AFG1L: variants seen among roughly 807,000 people sequenced by gnomAD.
AFG1L encodes AFG1 like ATPase.
In AFG1L, 53 loss-of-function variants were observed where a neutral mutation model predicts 62.2. The ratio of observed to expected loss-of-function variants is 0.85; its 90% CI spans 0.68 to 1.07. The LOEUF is 1.07. Among genes scored for constraint, AFG1L ranks in the 50% least tolerant of loss-of-function variants. AFG1L has a pLI of 0.00. For synonymous variants in AFG1L, 228 were observed against 210.3 expected (o/e 1.08, Z -0.73); for missense variants, 555 against 590.5 (o/e 0.94, Z 0.62).
intron 2 of AFG1L, among the ~76,000 whole-genome samples, chr6:108,324,426 A>G (rs1309789931): frequency 6.6e-6 from 1 of 152,228 alleles, no homozygotes; most frequent in Non-Finnish European, 1.5e-5. Context: ...CTCTAGGGTC[A>G]GAATGAGAAG....
Position 108,477,290 on chromosome 6 carries a change from AGAGT to A in AFG1L, c.1061_1062+2del, listed in dbSNP as rs772610580. 1 of 1,594,668 alleles carries A rather than the reference AGAGT, an allele frequency of 6.3e-7. No individual in the cohort carries two copies. Among genetic ancestry groups the A allele is most frequent in the Non-Finnish European group, 8.6e-7 (1 of 1,166,502 alleles). On this transcript the variant is annotated splice_donor_variant and coding_sequence_variant, in exon 10 of 13. Coordinates refer to ENST00000368977, the MANE Select transcript of AFG1L (RefSeq NM_145315.5). LOFTEE classifies it high-confidence loss of function. ...CTGCACATTTGAAGAGCTGTGTGAGAGAGTAAGTATCCAGGCACGTCCAGACTCA... is the reference window on the plus strand; with the variant it reads ...CTGCACATTTGAAGAGCTGTGTGAGAAAGTATCCAGGCACGTCCAGACTCA...
At chr6:108,412,075 C>A (rs924816328) in intron 7 of AFG1L, among the ~76,000 whole-genome samples, 1 of 152,090 alleles carries the variant, frequency 6.6e-6, no homozygotes, top group Non-Finnish European at 1.5e-5. Context: ...CTTAAATGAC[C>A]TGATGGAGCT....
At chr6:108,503,579 T>G (rs903524485) in intron 10 of AFG1L, among the ~76,000 whole-genome samples, 1 of 152,230 alleles carries the variant, frequency 6.6e-6, no homozygotes. Context: ...TGTTCCATTT[T>G]TAGGGCACAG....
Position 108,525,400 on chromosome 6 carries a change from T to C in AFG1L, c.*2975T>C, listed in dbSNP as rs1208089733. 2 of 152,250 alleles carry C rather than the reference T, an allele frequency of 1.3e-5. No individual in the cohort carries two copies. Among genetic ancestry groups the C allele is most frequent in the Admixed American group, 6.5e-5 (1 of 15,282 alleles). 9.4% of individuals were successfully genotyped at this position (152,250 alleles called of 1,614,324 possible). On this transcript the variant is annotated 3_prime_UTR_variant, in exon 13 of 13. Transcript: ENST00000368977. ...TGTAGTATTATTTTAATCAAATTTATGCATTTTCAGTGGGACTTCAAATTT... is the reference window on the plus strand; with the variant it reads ...TGTAGTATTATTTTAATCAAATTTACGCATTTTCAGTGGGACTTCAAATTT...
rs199590443 is a variant in AFG1L, at chr6:108,396,017, TTTTG to T, written c.749-5963_749-5960del. On this transcript the variant is annotated intron_variant, in intron 6 of 12. Transcript: ENST00000368977. ...CCACCACACTTGGCTAGGTGTCTTTTTTTGTTTGTTTGTTTGTTTTTTGTTTTTT... is the reference window on the plus strand; with the variant it reads ...CCACCACACTTGGCTAGGTGTCTTTTTTTGTTTGTTTGTTTTTTGTTTTTT... Among the ~76,000 whole-genome samples the T allele has an allele frequency of 1.1e-3, 165 of 151,996 alleles. 3 individuals carry two copies. The East Asian group carries it at 0.027, about 25-fold the overall frequency.
At chr6:108,370,138 G>GA (rs11399674) in intron 6 of AFG1L, among the ~76,000 whole-genome samples, 150,685 of 152,134 alleles carry the variant, frequency 0.99, 74,633 homozygotes, top group East Asian at 1. Context: ...GGTACAAGTT[G>GA]ATCTGTAGAG....
At chr6:108,357,235 A>C (rs1582429540) in intron 5 of AFG1L, among the ~76,000 whole-genome samples, 2 of 152,112 alleles carry the variant, frequency 1.3e-5, no homozygotes, top group East Asian at 3.9e-4. Flanking sequence ...CATGCACCAT[A>C]CCTAGCAAAT....
At chr6:108,405,497 C>T (rs954593520) in intron 7 of AFG1L, among the ~76,000 whole-genome samples, 6 of 152,086 alleles carry the variant, frequency 3.9e-5, no homozygotes, top group Admixed American at 6.6e-5. Flanking sequence ...TAGGCGTATT[C>T]CACCATGCCC....
chr6:108,318,341 A>G (rs556422766), intron 1 of AFG1L: 12 of 394,330 alleles, frequency 3.0e-5, no homozygotes, highest in Admixed American at 1.2e-4. Flanking sequence ...AATGCTGGCC[A>G]TAAGAGATGC....
chr6:108,397,414 C>G (rs577243008), intron 6 of AFG1L, among the ~76,000 whole-genome samples: 1 of 152,092 alleles, frequency 6.6e-6, no homozygotes, highest in Non-Finnish European at 1.5e-5. Flanking sequence ...TAGGCGTGAG[C>G]CCTGGCTGAT....
intron 7 of AFG1L, among the ~76,000 whole-genome samples, chr6:108,431,126 G>A (rs1002200130): frequency 1.4e-5 from 2 of 147,642 alleles, no homozygotes; most frequent in East Asian, 2.0e-4. Flanking sequence ...TTTTGGAGGC[G>A]AAGTCTTGCT....
At chr6:108,304,430 T>G (rs1777128674) in intron 1 of AFG1L, among the ~76,000 whole-genome samples, 1 of 152,220 alleles carries the variant, frequency 6.6e-6, no homozygotes, top group South Asian at 2.1e-4. Flanking sequence ...GCCTATGACC[T>G]TAGCATGGGC....
At position 108,411,097 on chromosome 6, in the gene AFG1L, C is replaced by T. The variant is rs534844803; in HGVS notation, c.807+9043C>T. The stretch of plus-strand genomic sequence containing the variant: ...GCGCTTTTCCAACGGCCTTAGCAAA[C>T]GGCACACCAGATTATATCCTGTGCC... On this transcript the variant is annotated intron_variant, in intron 7 of 12. Coordinates refer to ENST00000368977, the MANE Select transcript of AFG1L (RefSeq NM_145315.5). Among the ~76,000 whole-genome samples the T allele has an allele frequency of 3.1e-4, 47 of 152,312 alleles. No homozygotes were observed. In the South Asian group the frequency reaches 9.1e-3, roughly 30 times the overall value.
intron 10 of AFG1L, among the ~76,000 whole-genome samples, chr6:108,500,171 C>CGTGTGTGTGTGTGTGT (rs61654685): frequency 2.3e-4 from 31 of 135,140 alleles, no homozygotes; most frequent in East Asian, 1.3e-3. Flanking sequence ...ATGGTGCGTG[C>CGTGTGTGTGTGTGTGT]GTGTGTGTGT....
Position 108,477,353 on chromosome 6 carries a change from T to C in AFG1L, c.1062+61T>C, listed in dbSNP as rs570055860. 1.8e-3 allele frequency: 1,704 copies of C among 953,384 alleles called. 7 individuals carry two copies. The highest frequency in any genetic ancestry group is 4.9e-3 in the Middle Eastern group (22 of 4,472). 59.1% of individuals were successfully genotyped at this position (953,384 alleles called of 1,614,324 possible). A position where few individuals can be genotyped will look rare whatever the true frequency, so the allele number is the denominator to read the frequency against. On this transcript the variant is annotated intron_variant, in intron 10 of 12. Coordinates refer to ENST00000368977, the MANE Select transcript of AFG1L (RefSeq NM_145315.5). ...TTCACATGTTAAAATACTTCGTGTT[T>C]TCCTCTCTGCCCATTTCAGATTTTA...
intron 6 of AFG1L, among the ~76,000 whole-genome samples, chr6:108,378,801 A>T (rs1261996368): frequency 1.3e-5 from 2 of 151,664 alleles, no homozygotes; most frequent in Admixed American, 6.6e-5. Flanking sequence ...AATTATTTTC[A>T]TGCACGTAGG....
chr6:108,406,249 G>A (rs1781846646), intron 7 of AFG1L, among the ~76,000 whole-genome samples: 6 of 151,322 alleles, frequency 4.0e-5, no homozygotes, highest in African/African-American at 1.2e-4. Flanking sequence ...GTTCCCATCA[G>A]CAATACACAA....
chr6:108,316,092 G>T (rs988094219), intron 1 of AFG1L, among the ~76,000 whole-genome samples: 1 of 151,956 alleles, frequency 6.6e-6, no homozygotes, highest in Non-Finnish European at 1.5e-5. Flanking sequence ...TTTAAAAATC[G>T]GAAAGTTGGC....
At chr6:108,498,209 G>A (rs183940392) in intron 10 of AFG1L, among the ~76,000 whole-genome samples, 7 of 152,140 alleles carry the variant, frequency 4.6e-5, no homozygotes, top group African/African-American at 2.4e-5. Flanking sequence ...TCATTCTGTT[G>A]GCCGTGGTAA....
Sources: gnomAD v4.1 joint callset for allele counts (sites outside exome capture counted in the v4.1 genomes callset) on GRCh38, gnomAD v4.1.1 for gene constraint, MANE v1.5 for transcripts, NCBI Gene and HGNC (gene_info 2026-07-23, HGNC 2026-07-21) for gene names.